Variants in XIRP2 observed in about 807,000 individuals in gnomAD.
XIRP2 encodes xin actin-binding repeat-containing protein 2.
Under a neutral mutation model 277.0 loss-of-function variants are expected in XIRP2, and 236 were observed. The observed-to-expected ratio is 0.85, with a 90% CI of 0.77 to 0.95. XIRP2 has a LOEUF of 0.95. Ranked by LOEUF, XIRP2 falls within the 40% of genes least tolerant of loss-of-function variation. The pLI, the probability that XIRP2 is intolerant of heterozygous loss-of-function variation, is 0.00. For synonymous variants in XIRP2, 1,490 were observed against 1,416.5 expected, an observed-to-expected ratio of 1.05 and a Z score of -1.17; for missense variants, 4,640 against 4,157.5, an observed-to-expected ratio of 1.12 and a Z score of -3.19.
rs150436801 is a variant in XIRP2 at position 167,005,385 on chromosome 2, C to A, written c.408+101495C>A. Among the ~76,000 whole-genome samples, 30 of 151,940 alleles carry A rather than the reference C, an allele frequency of 2.0e-4. No homozygotes were observed. In the East Asian group the frequency reaches 5.6e-3, roughly 28 times the overall value. On this transcript the variant is annotated intron_variant, in intron 2 of 10. Coordinates refer to ENST00000409195, the MANE Select transcript of XIRP2 (RefSeq NM_152381.6). ...ATGGGCTGTACCAGCTGGAGGGAAC[C>A]TTCTAGACAACACTGTAGTTCAAGT...
At chr2:167,182,414 C>A (rs957569483) in intron 3 of XIRP2, among the ~76,000 whole-genome samples, 1 of 152,158 alleles carries the variant, frequency 6.6e-6, no homozygotes, top group Non-Finnish European at 1.5e-5. Flanking sequence ...CCTGATAGTT[C>A]GCTTTGCTAC....
intron 2 of XIRP2, among the ~76,000 whole-genome samples, chr2:167,068,304 T>C (rs1473336899): frequency 6.6e-6 from 1 of 152,186 alleles, no homozygotes; most frequent in East Asian, 1.9e-4. Flanking sequence ...TTTCCAGCTT[T>C]TTCTCTAATT....
At chr2:167,156,152 C>T (rs891586057) in intron 3 of XIRP2, among the ~76,000 whole-genome samples, 2 of 151,782 alleles carry the variant, frequency 1.3e-5, no homozygotes, top group African/African-American at 2.4e-5. Context: ...GAATCAATAT[C>T]GTGAAAATGG....
In XIRP2 at chr2:167,228,359, G is replaced by A. The variant is rs997991929; in HGVS notation, c.858+10059G>A. 7.2e-5 allele frequency among the ~76,000 whole-genome samples: 11 copies of A among 152,230 alleles called. 1 individual carries two copies. In the South Asian group the frequency reaches 1.0e-3, roughly 14 times the overall value. On this transcript the variant is annotated intron_variant, in intron 5 of 10. Coordinates refer to ENST00000409195, the MANE Select transcript of XIRP2 (RefSeq NM_152381.6). ...GGTATATGAGTTACACTGCTAATGC[G>A]TAGAGGGATTGACTCCTCCTTCCCC...
intron 1 of XIRP2, among the ~76,000 whole-genome samples, chr2:166,899,330 A>T (rs1372189977): frequency 6.6e-6 from 1 of 152,116 alleles, no homozygotes; most frequent in East Asian, 1.9e-4. Context: ...GTGTTGGTTA[A>T]CTTCTCCACA....
chr2:167,166,319 T>C (rs6724046), intron 3 of XIRP2, among the ~76,000 whole-genome samples: 15,051 of 152,274 alleles, frequency 0.099, 797 homozygotes, highest in South Asian at 0.15. Flanking sequence ...AGTCTAAGGA[T>C]AGACATTGCA....
intron 2 of XIRP2, among the ~76,000 whole-genome samples, chr2:167,123,456 A>C (rs963038532): frequency 3.3e-5 from 5 of 152,194 alleles, no homozygotes; most frequent in Non-Finnish European, 2.9e-5. Flanking sequence ...GCCGTAACAA[A>C]ATGCCACAGA....
chr2:167,149,507 G>A (rs1691952202), intron 3 of XIRP2, among the ~76,000 whole-genome samples: 1 of 152,106 alleles, frequency 6.6e-6, no homozygotes, highest in Non-Finnish European at 1.5e-5. Flanking sequence ...GACATATGTG[G>A]CAATTCAGGT....
rs1695054306 is a variant in XIRP2 at position 167,241,194 on chromosome 2, T to C, written c.1042+458T>C. On this transcript the variant is annotated intron_variant, in intron 7 of 10. Transcript: ENST00000409195. ...TGCACAAGACTGGACATAGTTTGTC[T>C]TGTCTATAAAAATGGAATGGGTTTT... Among the ~76,000 whole-genome samples, 6 of 152,214 alleles carry C rather than the reference T, an allele frequency of 3.9e-5. No individual in the cohort carries two copies. The South Asian group carries it at 1.2e-3, about 32-fold the overall frequency.
chr2:166,971,388 T>G (rs756328070), intron 2 of XIRP2, among the ~76,000 whole-genome samples: 8 of 151,970 alleles, frequency 5.3e-5, no homozygotes, highest in Non-Finnish European at 7.4e-5. Flanking sequence ...AAAAAAAGTA[T>G]GAAAATTTAA....
chr2:167,247,924 C>T lies in XIRP2; in HGVS notation c.6532C>T (p.Leu2178Phe), dbSNP rs752523034. Reference protein sequence around the residue: ...VSMPVGGTYDLSGDFQKQTLL... With the variant: ...VSMPVGGTYDFSGDFQKQTLL... The stretch of plus-strand genomic sequence containing the variant: ...CATGCCAGTTGGAGGAACTTACGAC[C>T]TTTCAGGGGACTTTCAGAAGCAAAC... Residue 2178 changes from leucine to phenylalanine, a missense_variant, in exon 9 of 11, where the codon CTT becomes TTT. Transcript: ENST00000409195. 1.9e-6 allele frequency: 3 copies of T among 1,612,080 alleles called. No homozygotes were observed. Among genetic ancestry groups the T allele is most frequent in the African/African-American group, 1.3e-5 (1 of 74,762 alleles).
At chr2:167,129,483 G>T (rs967366860) in intron 2 of XIRP2, among the ~76,000 whole-genome samples, 2 of 152,070 alleles carry the variant, frequency 1.3e-5, no homozygotes, top group Non-Finnish European at 2.9e-5. Context: ...TTGTGAAATA[G>T]ACATTGGGTT....
chr2:166,888,880 T>C (rs1684024795), intron 1 of XIRP2, among the ~76,000 whole-genome samples: 1 of 152,240 alleles, frequency 6.6e-6, no homozygotes, highest in Non-Finnish European at 1.5e-5. Flanking sequence ...TATTATATTT[T>C]TGGACACTGA....
intron 2 of XIRP2, among the ~76,000 whole-genome samples, chr2:167,128,987 G>A (rs1295417755): frequency 3.3e-5 from 5 of 152,124 alleles, no homozygotes; most frequent in Non-Finnish European, 5.9e-5. Context: ...GCTTCCTGGA[G>A]GAGACTGCAC....
chr2:167,069,662 A>G (rs1053599720), intron 2 of XIRP2, among the ~76,000 whole-genome samples: 1 of 152,092 alleles, frequency 6.6e-6, no homozygotes, highest in Non-Finnish European at 1.5e-5. Context: ...CTCTCCTACC[A>G]CAGAAACACA....
intron 2 of XIRP2, among the ~76,000 whole-genome samples, chr2:167,025,193 G>A (rs1688116303): frequency 6.6e-6 from 1 of 152,180 alleles, no homozygotes; most frequent in Admixed American, 6.6e-5. Context: ...GAGGGTGTAT[G>A]TGTCGAGGAA....
intron 3 of XIRP2, among the ~76,000 whole-genome samples, chr2:167,201,246 GAAAGA>G (rs1693698399): frequency 1.0e-5 from 1 of 96,720 alleles, no homozygotes; most frequent in African/African-American, 7.2e-5. Context: ...AAGAAAGAAA[GAAAGA>G]AAGAAAGAAA....
At chr2:166,925,111 T>G (rs1685147320) in intron 2 of XIRP2, among the ~76,000 whole-genome samples, 1 of 152,072 alleles carries the variant, frequency 6.6e-6, no homozygotes. Flanking sequence ...TAATAGGTAG[T>G]AGCTATATTT....
At chr2:167,213,087 T>C (rs537635182) in intron 4 of XIRP2, among the ~76,000 whole-genome samples, 1 of 152,262 alleles carries the variant, frequency 6.6e-6, no homozygotes, top group East Asian at 1.9e-4. Flanking sequence ...TATATTTTCC[T>C]TGTCTCAGAG....
Sources: gnomAD v4.1 joint callset for allele counts (sites outside exome capture counted in the v4.1 genomes callset) on GRCh38, gnomAD v4.1.1 for gene constraint, MANE v1.5 for transcripts, NCBI Gene and HGNC (gene_info 2026-07-23, HGNC 2026-07-21) for gene names.